ITGA9: variants seen among roughly 807,000 people sequenced by gnomAD.
The protein encoded by ITGA9 is integrin alpha-9.
A neutral mutation model predicts 127.8 loss-of-function variants in ITGA9; 56 were observed. That is an observed-to-expected ratio of 0.44 (90% CI 0.35 to 0.55). The LOEUF is 0.55. ITGA9 is among the 20% of genes least tolerant of loss of function. The pLI, the probability that ITGA9 is intolerant of heterozygous loss-of-function variation, is 0.00. For synonymous variants in ITGA9, 508 were observed against 514.5 expected (o/e 0.99, Z 0.17); for missense variants, 1,196 against 1,347.1 (o/e 0.89, Z 1.76).
chr3:37,555,171 T>A (rs1346444537), intron 15 of ITGA9, among the ~76,000 whole-genome samples: 3 of 152,370 alleles, frequency 2.0e-5, no homozygotes, highest in African/African-American at 7.2e-5. Context: ...GGGCTCTTTA[T>A]AATCTGGTCT....
intron 23 of ITGA9, among the ~76,000 whole-genome samples, chr3:37,776,182 A>G (rs781413340): frequency 3.3e-5 from 5 of 152,214 alleles, no homozygotes; most frequent in Non-Finnish European, 5.9e-5. Context: ...AGTCTATTTG[A>G]GAATGGAGGT....
chr3:37,725,229 C>G (rs1696169468), intron 18 of ITGA9, among the ~76,000 whole-genome samples: 1 of 152,172 alleles, frequency 6.6e-6, no homozygotes, highest in South Asian at 2.1e-4. Context: ...ATGTAGTCTT[C>G]CTTGATTCAA....
At chr3:37,502,105 T>C (rs1304949210) in intron 5 of ITGA9, among the ~76,000 whole-genome samples, 1 of 152,204 alleles carries the variant, frequency 6.6e-6, no homozygotes, top group African/African-American at 2.4e-5. Context: ...CTTAGGGTTG[T>C]TGTCAGCATT....
chr3:37,640,588 A>T (rs1460174021), intron 16 of ITGA9, among the ~76,000 whole-genome samples: 4 of 152,056 alleles, frequency 2.6e-5, no homozygotes, highest in Non-Finnish European at 5.9e-5. Flanking sequence ...CAACCCACCG[A>T]CCTCTGACTT....
At chr3:37,572,972 C>T (rs1699617495) in intron 15 of ITGA9, among the ~76,000 whole-genome samples, 1 of 152,124 alleles carries the variant, frequency 6.6e-6, no homozygotes, top group Non-Finnish European at 1.5e-5. Context: ...ATAACAATAC[C>T]TTACATATCT....
intron 27 of ITGA9, among the ~76,000 whole-genome samples, chr3:37,804,608 G>A (rs1265727280): frequency 6.6e-6 from 1 of 152,156 alleles, no homozygotes; most frequent in East Asian, 1.9e-4. Context: ...GGAGGCTTTA[G>A]CTGATGAAGG....
At chr3:37,701,879 G>A (rs1025065863) in intron 18 of ITGA9, among the ~76,000 whole-genome samples, 1 of 152,158 alleles carries the variant, frequency 6.6e-6, no homozygotes, top group African/African-American at 2.4e-5. Flanking sequence ...TAGCATTTGA[G>A]GAGATTAAAT....
intron 17 of ITGA9, among the ~76,000 whole-genome samples, chr3:37,659,293 C>T (rs1402370860): frequency 6.6e-6 from 1 of 152,098 alleles, no homozygotes; most frequent in Non-Finnish European, 1.5e-5. Flanking sequence ...GTTCCATTCT[C>T]CTCATCACTT....
At chr3:37,487,660 C>T (rs1368737486) in intron 4 of ITGA9, among the ~76,000 whole-genome samples, 1 of 152,044 alleles carries the variant, frequency 6.6e-6, no homozygotes, top group Non-Finnish European at 1.5e-5. Flanking sequence ...CCTTGTTATA[C>T]AGATGAGAAA....
At chr3:37,644,967 T>G (rs1351703354) in intron 16 of ITGA9, among the ~76,000 whole-genome samples, 2 of 152,194 alleles carry the variant, frequency 1.3e-5, no homozygotes, top group African/African-American at 4.8e-5. Flanking sequence ...GAGCTGAAAT[T>G]CCTGCACTCT....
intron 18 of ITGA9, among the ~76,000 whole-genome samples, chr3:37,726,421 T>C (rs1269437999): frequency 6.6e-6 from 1 of 152,206 alleles, no homozygotes; most frequent in Non-Finnish European, 1.5e-5. Context: ...CACAAAGATA[T>C]TCTGTTCCCA....
At chr3:37,766,706 C>T (rs1236198255) in intron 23 of ITGA9, among the ~76,000 whole-genome samples, 1 of 152,172 alleles carries the variant, frequency 6.6e-6, no homozygotes, top group East Asian at 1.9e-4. Context: ...CATGTTTTGT[C>T]TCATATGGGG....
intron 16 of ITGA9, among the ~76,000 whole-genome samples, chr3:37,648,324 G>T (rs1384412883): frequency 6.6e-6 from 1 of 152,142 alleles, no homozygotes; most frequent in Non-Finnish European, 1.5e-5. Context: ...AGAGAGTGGG[G>T]TGATATATTC....
chr3:37,751,645 T>C (rs1209115693), intron 23 of ITGA9, among the ~76,000 whole-genome samples: 1 of 152,178 alleles, frequency 6.6e-6, no homozygotes, highest in East Asian at 1.9e-4. Flanking sequence ...TGGAAGGGAC[T>C]TGGGCTCACA....
chr3:37,635,386 C>CT (rs894353623), intron 16 of ITGA9, among the ~76,000 whole-genome samples: 1 of 152,022 alleles, frequency 6.6e-6, no homozygotes, highest in Non-Finnish European at 1.5e-5. Context: ...GATAAGTTTT[C>CT]TTAATATCTT....
rs768995641 is a variant in ITGA9, at chr3:37,741,858, G to A, written c.2324+39G>A. The A allele has an allele frequency of 4.7e-6, 7 of 1,485,882 alleles. No individual in the cohort carries two copies. The East Asian group carries it at 1.4e-4, about 29-fold the overall frequency. 92.0% of individuals were successfully genotyped at this position (1,485,882 alleles called of 1,614,324 possible). A position where few individuals can be genotyped will look rare whatever the true frequency, so the allele number is the denominator to read the frequency against. On this transcript the variant is annotated intron_variant, in intron 21 of 27. Coordinates refer to ENST00000264741, the MANE Select transcript of ITGA9 (RefSeq NM_002207.3). ...TCCTGGGTTGCCACAACACAGGAGT[G>A]CCCTCCAGTGGAACACTGTGCTTCT...
At chr3:37,691,790 G>A (rs1436491222) in intron 18 of ITGA9, among the ~76,000 whole-genome samples, 1 of 152,154 alleles carries the variant, frequency 6.6e-6, no homozygotes, top group African/African-American at 2.4e-5. Context: ...TCAAGTGTCC[G>A]AGTGTCTGGG....
At chr3:37,659,788 T>C (rs895074131) in intron 17 of ITGA9, among the ~76,000 whole-genome samples, 1 of 152,134 alleles carries the variant, frequency 6.6e-6, no homozygotes, top group Non-Finnish European at 1.5e-5. Flanking sequence ...TTCAACCTTT[T>C]TGTGCTAGTT....
intron 15 of ITGA9, among the ~76,000 whole-genome samples, chr3:37,554,080 C>A (rs1022373701): frequency 6.6e-6 from 1 of 151,934 alleles, no homozygotes; most frequent in African/African-American, 2.4e-5. Flanking sequence ...GATCCTTGTC[C>A]CCCTGGGAGT....
Sources: gnomAD v4.1 joint callset for allele counts (sites outside exome capture counted in the v4.1 genomes callset) on GRCh38, gnomAD v4.1.1 for gene constraint, MANE v1.5 for transcripts, NCBI Gene and HGNC (gene_info 2026-07-23, HGNC 2026-07-21) for gene names.